RGS19: variants seen among roughly 807,000 people sequenced by gnomAD.
RGS19 encodes the protein G alpha interacting protein.
A neutral mutation model predicts 22.0 loss-of-function variants in RGS19; 9 were observed. The ratio of observed to expected loss-of-function variants is 0.41; its 90% confidence interval spans 0.25 to 0.71. The LOEUF is 0.71. Among genes scored for constraint, RGS19 ranks in the 30% least tolerant of loss-of-function variants. The probability of loss-of-function intolerance (pLI) is 0.32; values close to 1 mark genes in which losing one functional copy is unlikely to be tolerated. For missense variants in RGS19, 256 were observed against 307.1 expected, an observed-to-expected ratio of 0.83 and a Z score of 1.24; for synonymous variants, 130 against 127.3, an observed-to-expected ratio of 1.02 and a Z score of -0.14.
Position 64,074,395 on chromosome 20 carries a change from C to G in RGS19, c.228-17G>C, listed in dbSNP as rs769443055. ...GGCGTGGCACTGTGGGCACGGGGGC[C>G]AGGCTATGTCAGGCCCGAGTCTCCC... is the stretch of plus-strand genomic sequence containing the variant. On this transcript the variant is annotated splice_polypyrimidine_tract_variant and intron_variant, in intron 4 of 5. Coordinates refer to ENST00000395042, the MANE Select transcript of RGS19 (RefSeq NM_005873.3). The G allele has an allele frequency of 6.3e-7, 1 of 1,591,898 alleles. No homozygotes were observed. The highest frequency in any genetic ancestry group is 8.6e-7 in the Non-Finnish European group (1 of 1,168,392).
chr20:64,073,697 G>A lies in RGS19; in HGVS notation c.*156C>T. The A allele has an allele frequency of 1.5e-6, 1 of 647,958 alleles. No homozygotes were observed. The highest frequency in any genetic ancestry group is 1.8e-5 in the African/African-American group (1 of 54,612). 40.1% of individuals were successfully genotyped at this position (647,958 alleles called of 1,614,324 possible). A position where few individuals can be genotyped will look rare whatever the true frequency, so the allele number is the denominator to read the frequency against. ...CTTGGCCACGGGTGGGCAGACCCAG[G>A]AGACACAGCACTCCCCACTGGGTCT... On this transcript the variant is annotated 3_prime_UTR_variant, in exon 6 of 6. Coordinates refer to ENST00000395042, the MANE Select transcript of RGS19 (RefSeq NM_005873.3).
At position 64,073,980 on chromosome 20, in the gene RGS19, G is replaced by A. The variant is rs747159624; in HGVS notation, c.527C>T (p.Thr176Met). 10 of 1,541,594 alleles carry A rather than the reference G, an allele frequency of 6.5e-6. No homozygotes were observed. The highest frequency in any genetic ancestry group is 6.1e-5 in the South Asian group (5 of 81,316). Residue 176 changes from threonine to methionine, a missense_variant, in exon 6 of 6, where the codon ACG (threonine) becomes ATG (methionine). Physicochemically the swap from Thr to Met is moderately conservative, Grantham distance 81. Transcript: ENST00000395042. ...GATCTGCAGCTGCGCGTCGTCGAAC[G>A]TGTGTGCGGACGGCTCCTGCATCTT... is the stretch of plus-strand genomic sequence containing the variant. ...NKKMQEPSAH[T>M]FDDAQLQIYT... is the part of the protein sequence containing the mutation.
Position 64,076,920 on chromosome 20 carries a change from TAC to T in RGS19, c.-36_-35del. On this transcript the variant is annotated 5_prime_UTR_variant, in exon 2 of 6. Coordinates refer to ENST00000395042, the MANE Select transcript of RGS19 (RefSeq NM_005873.3). ...GGAGGAGGTTGCCCAGGCTCCGTGG[TAC>T]CAGCTCTCAGACCCTCACCACAGCC... is the stretch of plus-strand genomic sequence containing the variant. 3 of 1,502,220 alleles carry T rather than the reference TAC, an allele frequency of 2.0e-6. No individual in the cohort carries two copies. Among genetic ancestry groups the T allele is most frequent in the Non-Finnish European group, 2.7e-6 (3 of 1,130,196 alleles). The allele number at this position is 1,502,220 out of a possible 1,614,324, so 93.1% of individuals were successfully genotyped here.
At chr20:64,078,282 T>TACCCCCGAGGCCTGGG (rs1320300238) in intron 1 of RGS19, among the ~76,000 whole-genome samples, 3 of 26,714 alleles carry the variant, frequency 1.1e-4, no homozygotes, top group Non-Finnish European at 1.9e-4. Context: ...CGGCCCAGTT[T>TACCCCCGAGGCCTGGG]CCTCTGAGAC....
chr20:64,074,114 G>T (rs373797280), intron 5 of RGS19, 30 bp downstream of exon 5: 1 of 1,605,190 alleles, frequency 6.2e-7, no homozygotes, highest in Non-Finnish European at 8.5e-7. Flanking sequence ...GGAGCAGGCG[G>T]CCCCCGGCCT....
In RGS19 at chr20:64,073,750, AG is replaced by A. The variant is rs2059875369; in HGVS notation, c.*102del. 3.4e-5 allele frequency: 37 copies of A among 1,073,006 alleles called. No homozygotes were observed. Among genetic ancestry groups the A allele is most frequent in the Non-Finnish European group, 4.5e-5 (34 of 752,346 alleles). The allele number at this position is 1,073,006 out of a possible 1,614,324, so 66.5% of individuals were successfully genotyped here. On this transcript the variant is annotated 3_prime_UTR_variant, in exon 6 of 6. Coordinates refer to ENST00000395042, the MANE Select transcript of RGS19 (RefSeq NM_005873.3). ...GACCGTCTCCGCGGGTGGGGACCCC[AG>A]CCGGCCAGGCATGTGCCCTGACAGC... is the stretch of plus-strand genomic sequence containing the variant.
chr20:64,078,472 TGTCCCCACCCAGG>T (rs1223917033), intron 1 of RGS19, among the ~76,000 whole-genome samples: 1 of 152,180 alleles, frequency 6.6e-6, no homozygotes, highest in East Asian at 1.9e-4. Flanking sequence ...TCCTCCTCTC[TGTCCCCACCCAGG>T]GTCCTCCCCC....
intron 1 of RGS19, among the ~76,000 whole-genome samples, chr20:64,077,471 G>A (rs1297790416): frequency 6.6e-6 from 1 of 152,168 alleles, no homozygotes; most frequent in Non-Finnish European, 1.5e-5. Context: ...CAGCAGTGAG[G>A]ATTTAAGTGG....
In RGS19 at chr20:64,076,748, C is replaced by T. The variant is rs2059908842; in HGVS notation, c.31-102G>A. On this transcript the variant is annotated intron_variant, in intron 2 of 5. Coordinates refer to ENST00000395042, the MANE Select transcript of RGS19 (RefSeq NM_005873.3). ...GGTAGCCCTGTTCCCAGGCACATGA[C>T]CCTTCTGGCCTCCCGGGTGTTCAGG... is the stretch of plus-strand genomic sequence containing the variant. 1.3e-5 allele frequency: 20 copies of T among 1,517,480 alleles called. No homozygotes were observed. The South Asian group carries it at 2.1e-4, about 16-fold the overall frequency. 94.0% of individuals were successfully genotyped at this position (1,517,480 alleles called of 1,614,324 possible).
chr20:64,079,910 C>G (rs2145555757), upstream of RGS19: 1 of 148,946 alleles, frequency 6.7e-6, no homozygotes, highest in African/African-American at 2.4e-5. The surrounding 1 kb of genome is among the most constrained non-coding windows in gnomAD (Gnocchi z 5.1). Flanking sequence ...GCCGCCGGCC[C>G]GCGCGCTCCA....
rs1601612312 is a variant in RGS19, at chr20:64,075,500, A to C, written c.153-959T>G. On this transcript the variant is annotated intron_variant, in intron 3 of 5. Coordinates refer to ENST00000395042, the MANE Select transcript of RGS19 (RefSeq NM_005873.3). This position sits in a 1 kb window ranked among gnomAD's most constrained non-coding sequence, Gnocchi z 4.6. Reference sequence around the variant, plus strand: ...AGAACTAGGCCCCTGGGCTCCTCCCACCCCCTTTCCCGACTGCCCCCTGGC... The same window carrying C: ...AGAACTAGGCCCCTGGGCTCCTCCCCCCCCCTTTCCCGACTGCCCCCTGGC... Among the ~76,000 whole-genome samples the C allele has an allele frequency of 5.5e-5, 8 of 145,504 alleles. No individual in the cohort carries two copies. Among genetic ancestry groups the C allele is most frequent in the East Asian group, 2.1e-4 (1 of 4,844 alleles).
rs1375270493 is a variant in RGS19 at position 64,073,850 on chromosome 20, G to A, written c.*3C>T. 4 of 1,603,690 alleles carry A rather than the reference G, an allele frequency of 2.5e-6. No homozygotes were observed. Among genetic ancestry groups the A allele is most frequent in the East Asian group, 2.2e-5 (1 of 44,696 alleles). On this transcript the variant is annotated 3_prime_UTR_variant, in exon 6 of 6. Transcript: ENST00000395042. ...CGGCGGGGTCTGTGCTGCTGGGGGC[G>A]GCCTAGGCCTCGGAGGAGGACTGTG...
At position 64,074,198 on chromosome 20, in the gene RGS19, G is replaced by T; in HGVS notation, c.408C>A (p.Asp136Glu). Residue 136 changes from aspartate to glutamate, a missense_variant, in exon 5 of 6, where the codon GAC (aspartate) becomes GAA (glutamate). Asp to Glu is a conservative substitution (Grantham distance 45). Coordinates refer to ENST00000395042, the MANE Select transcript of RGS19 (RefSeq NM_005873.3). ...LKAEANQHVV[D>E]EKARLIYEDY... Reference sequence around the variant, plus strand: ...CCTCGTAGATGAGCCTCGCCTTCTCGTCTACCACATGCTGGTTGGCCTCGG... The same window carrying T: ...CCTCGTAGATGAGCCTCGCCTTCTCTTCTACCACATGCTGGTTGGCCTCGG... The T allele has an allele frequency of 6.2e-7, 1 of 1,614,056 alleles. No homozygotes were observed. Among genetic ancestry groups the T allele is most frequent in the Non-Finnish European group, 8.5e-7 (1 of 1,180,018 alleles).
At chr20:64,074,589 C>T (rs373380763) in intron 3 of RGS19, 48 bp from the exon 4 acceptor site, 104 of 1,506,670 alleles carry the variant, frequency 6.9e-5, no homozygotes, top group Middle Eastern at 1.9e-4. Context: ...CACGCCTCCA[C>T]GGCCACACAG....
rs143511993 is a variant in RGS19 at position 64,074,192 on chromosome 20, C to T, written c.414G>A (p.Lys138=). 1.2e-6 allele frequency: 2 copies of T among 1,614,116 alleles called. No individual in the cohort carries two copies. The highest frequency in any genetic ancestry group is 1.7e-6 in the Non-Finnish European group (2 of 1,180,022). The change falls in exon 5 of 6, where the codon AAG becomes AAA. Residue 138 remains lysine, a synonymous_variant. Coordinates refer to ENST00000395042, the MANE Select transcript of RGS19 (RefSeq NM_005873.3). ...AEANQHVVDE[K]ARLIYEDYVS... ...CGTAGTCCTCGTAGATGAGCCTCGC[C>T]TTCTCGTCTACCACATGCTGGTTGG...
At position 64,074,054 on chromosome 20, in the gene RGS19, A is replaced by G; in HGVS notation, c.463-10T>C. 4 of 1,608,678 alleles carry G rather than the reference A, an allele frequency of 2.5e-6. No individual in the cohort carries two copies. The highest frequency in any genetic ancestry group is 1.1e-5 in the South Asian group (1 of 90,724). Reference sequence around the variant, plus strand: ...GGGAGTCCAGGCTCACCTGCAGGACAAGACACTGAGGTCAGGGGGTGCGGG... The same window carrying G: ...GGGAGTCCAGGCTCACCTGCAGGACGAGACACTGAGGTCAGGGGGTGCGGG... On this transcript the variant is annotated splice_polypyrimidine_tract_variant and intron_variant, in intron 5 of 5. Coordinates refer to ENST00000395042, the MANE Select transcript of RGS19 (RefSeq NM_005873.3).
rs181726637 is a variant in RGS19 at position 64,074,845 on chromosome 20, G to A, written c.153-304C>T. ...TCCAGCAGTGTGACCCAGTGCCCGCGAGTCTCTGGCCTTCCAGGAGGGGCC... is the reference window on the plus strand; with the variant it reads ...TCCAGCAGTGTGACCCAGTGCCCGCAAGTCTCTGGCCTTCCAGGAGGGGCC... On this transcript the variant is annotated intron_variant, in intron 3 of 5. Transcript: ENST00000395042. 2.6e-4 allele frequency among the ~76,000 whole-genome samples: 39 copies of A among 152,316 alleles called. No individual in the cohort carries two copies. The East Asian group carries it at 6.4e-3, about 25-fold the overall frequency.
chr20:64,074,151 G>T lies in RGS19; in HGVS notation c.455C>A (p.Pro152His). The change falls in exon 5 of 6, where the codon CCC becomes CAC. Residue 152 changes from proline to histidine, a missense_variant. Transcript: ENST00000395042. ...IYEDYVSILS[P>H]KEVSLDSRVR... ...TTCTGGTGTCTGGCGCACCTCCTTGGGGGACAGGATGGATACGTAGTCCTC... is the reference window on the plus strand; with the variant it reads ...TTCTGGTGTCTGGCGCACCTCCTTGTGGGACAGGATGGATACGTAGTCCTC... 6.2e-7 allele frequency: 1 copy of T among 1,612,818 alleles called. No individual in the cohort carries two copies. Among genetic ancestry groups the T allele is most frequent in the Non-Finnish European group, 8.5e-7 (1 of 1,178,996 alleles).
chr20:64,073,875 G>A lies in RGS19; in HGVS notation c.632C>T (p.Ser211Leu), dbSNP rs1213514095. 1 of 1,612,740 alleles carries A rather than the reference G, an allele frequency of 6.2e-7. No homozygotes were observed. The highest frequency in any genetic ancestry group is 1.3e-5 in the African/African-American group (1 of 74,944). Reference sequence around the variant, plus strand: ...GGCCTAGGCCTCGGAGGAGGACTGTGATGGCCCCTGCAGCAGCAGGGCACG... The same window carrying A: ...GGCCTAGGCCTCGGAGGAGGACTGTAATGGCCCCTGCAGCAGCAGGGCACG... ...TYRALLLQGPSQSSSEA is the reference protein window; with the variant it reads ...TYRALLLQGPLQSSSEA Residue 211 changes from serine (S) to leucine (L), a missense_variant, in exon 6 of 6, where the codon TCA becomes TTA. Transcript: ENST00000395042.
Sources: gnomAD v4.1 joint callset for allele counts (sites outside exome capture counted in the v4.1 genomes callset) on GRCh38, gnomAD v4.1.1 for gene constraint, Gnocchi (gnomAD v3.1) non-coding constraint, MANE v1.5 for transcripts, NCBI Gene and HGNC (gene_info 2026-07-23, HGNC 2026-07-21) for gene names.